Variants in BCAT1 observed in about 807,000 individuals in gnomAD.
The protein encoded by BCAT1 is branched-chain-amino-acid aminotransferase, cytosolic.
A neutral mutation model predicts 52.4 loss-of-function variants in BCAT1; 48 were observed. The observed-to-expected ratio is 0.92, with a 90% confidence interval of 0.73 to 1.16. BCAT1 has a LOEUF of 1.16. Ranked by LOEUF, BCAT1 falls within the 50% of genes most tolerant of loss-of-function variation. The pLI is 0.00. For synonymous variants in BCAT1, 167 were observed against 161.3 expected (o/e 1.04, Z -0.27); for missense variants, 451 against 457.1 (o/e 0.99, Z 0.12).
chr12:24,888,212 A>G (rs1014161176), intron 3 of BCAT1, among the ~76,000 whole-genome samples: 1 of 152,216 alleles, frequency 6.6e-6, no homozygotes, highest in Admixed American at 6.5e-5. Flanking sequence ...GGTTAAAAAA[A>G]AAAGACAGAA....
At chr12:24,884,623 A>G (rs1461243783) in intron 3 of BCAT1, among the ~76,000 whole-genome samples, 1 of 152,236 alleles carries the variant, frequency 6.6e-6, no homozygotes, top group Admixed American at 6.5e-5. Context: ...TTATTTGTCA[A>G]TTAAAAATTT....
intron 1 of BCAT1, among the ~76,000 whole-genome samples, chr12:24,905,646 T>G (rs1943212916): frequency 6.6e-6 from 1 of 152,182 alleles, no homozygotes; most frequent in African/African-American, 2.4e-5. Flanking sequence ...GAAGTGCTAT[T>G]AGTCAGCAAC....
chr12:24,930,348 A>T (rs934260296), intron 1 of BCAT1, among the ~76,000 whole-genome samples: 1 of 152,096 alleles, frequency 6.6e-6, no homozygotes, highest in African/African-American at 2.4e-5. Flanking sequence ...TGTCCTTTTG[A>T]GGTGTTTCTA....
intron 10 of BCAT1, among the ~76,000 whole-genome samples, chr12:24,825,148 T>C (rs1044162640): frequency 7.2e-5 from 11 of 152,024 alleles, no homozygotes; most frequent in African/African-American, 2.6e-4. Context: ...TATATATATA[T>C]ATATATATCT....
intron 5 of BCAT1, among the ~76,000 whole-genome samples, chr12:24,853,204 CCAT>C (rs1233298120): frequency 5.3e-5 from 8 of 152,260 alleles, no homozygotes; most frequent in Admixed American, 1.3e-4. Flanking sequence ...ACCCAGGTGA[CCAT>C]CAATGGTGGA....
At chr12:24,946,040 T>C (rs1943929116) in intron 1 of BCAT1, among the ~76,000 whole-genome samples, 1 of 152,112 alleles carries the variant, frequency 6.6e-6, no homozygotes, top group South Asian at 2.1e-4. Context: ...ATAAAGAAAG[T>C]TCTTTATTTT....
chr12:24,944,447 G>A (rs1943904735), intron 1 of BCAT1, among the ~76,000 whole-genome samples: 1 of 152,152 alleles, frequency 6.6e-6, no homozygotes, highest in Admixed American at 6.5e-5. Flanking sequence ...CGTCTCAACT[G>A]TGTCTCTTTG....
chr12:24,873,854 T>C (rs928985425), intron 5 of BCAT1, among the ~76,000 whole-genome samples: 1 of 152,218 alleles, frequency 6.6e-6, no homozygotes, highest in Non-Finnish European at 1.5e-5. Context: ...TGCCAATCCC[T>C]ACTCACTGGT....
intron 3 of BCAT1, among the ~76,000 whole-genome samples, chr12:24,887,071 A>AAAAAAAAAT (rs1942689541): frequency 1.0e-5 from 1 of 99,406 alleles, no homozygotes; most frequent in African/African-American, 4.0e-5. Flanking sequence ...TAAAAAAAAA[A>AAAAAAAAAT]AAAAAAAAAA....
chr12:24,852,218 A>G (rs946281756), intron 5 of BCAT1, among the ~76,000 whole-genome samples: 2 of 152,192 alleles, frequency 1.3e-5, no homozygotes, highest in African/African-American at 4.8e-5. Context: ...ACTGTGAGTC[A>G]ATTAAACCTC....
At chr12:24,909,984 C>T (rs951340068) in intron 1 of BCAT1, among the ~76,000 whole-genome samples, 3 of 152,156 alleles carry the variant, frequency 2.0e-5, no homozygotes, top group African/African-American at 2.4e-5. Flanking sequence ...ATGATGCCGG[C>T]CCCTCATGAC....
chr12:24,847,557 G>A (rs1005077446), intron 6 of BCAT1, among the ~76,000 whole-genome samples: 1 of 152,162 alleles, frequency 6.6e-6, no homozygotes, highest in African/African-American at 2.4e-5. Context: ...AAAAAACTAA[G>A]AGAGATAATT....
chr12:24,924,079 A>G lies in BCAT1; in HGVS notation c.7-22194T>C, dbSNP rs561448261. Among the ~76,000 whole-genome samples, 3 of 150,566 alleles carry G rather than the reference A, an allele frequency of 2.0e-5. No individual in the cohort carries two copies. In the South Asian group the frequency reaches 6.3e-4, roughly 32 times the overall value. The stretch of plus-strand genomic sequence containing the variant: ...TCAACCGATTATGTCGATAATATAC[A>G]TTCTCGTTTCCTCCCTTTTTTTCCC... On this transcript the variant is annotated intron_variant, in intron 1 of 10. Transcript: ENST00000261192.
In BCAT1 at chr12:24,823,814, C is replaced by T. The variant is rs576319240; in HGVS notation, c.1120-5765G>A. Among the ~76,000 whole-genome samples the T allele has an allele frequency of 4.6e-5, 7 of 152,238 alleles. No individual in the cohort carries two copies. The East Asian group carries it at 9.7e-4, about 21-fold the overall frequency. ...CTCCTGTATGGCCTGCAGAACTGAG[C>T]GTCAATAAAACCTCTTTTCTTTACA... On this transcript the variant is annotated intron_variant, in intron 10 of 10. Transcript: ENST00000261192.
chr12:24,901,810 T>A lies in BCAT1; in HGVS notation c.78+4A>T. 6.2e-7 allele frequency: 1 copy of A among 1,613,792 alleles called. No individual in the cohort carries two copies. ...AGACACTAAGCCTCTGGCAAGCAAC[T>A]TACCTTAAAAGTCCCCACCACCTCT... On this transcript the variant is annotated splice_donor_region_variant and intron_variant, in intron 2 of 10. Coordinates refer to ENST00000261192, the MANE Select transcript of BCAT1 (RefSeq NM_005504.7).
intron 1 of BCAT1, among the ~76,000 whole-genome samples, chr12:24,931,766 T>G (rs567276258): frequency 6.6e-6 from 1 of 152,288 alleles, no homozygotes; most frequent in African/African-American, 2.4e-5. Context: ...GCACTCTTTA[T>G]CTAAAAACAA....
At chr12:24,873,887 C>T (rs1591827787) in intron 5 of BCAT1, among the ~76,000 whole-genome samples, 1 of 152,138 alleles carries the variant, frequency 6.6e-6, no homozygotes, top group African/African-American at 2.4e-5. Context: ...GTTAATTAAA[C>T]ATGTTTCAAT....
intron 10 of BCAT1, among the ~76,000 whole-genome samples, chr12:24,820,358 T>C (rs1378650505): frequency 6.6e-6 from 1 of 152,226 alleles, no homozygotes; most frequent in Non-Finnish European, 1.5e-5. Flanking sequence ...ATTTGGCTGA[T>C]GGATAATGCA....
At chr12:24,902,752 G>A (rs1455002473) in intron 1 of BCAT1, 8 of 793,456 alleles carry the variant, frequency 1.0e-5, no homozygotes, top group Non-Finnish European at 1.5e-5. Context: ...CGAAGAGGTG[G>A]AGATTGCAGG....
Sources: gnomAD v4.1 joint callset for allele counts (sites outside exome capture counted in the v4.1 genomes callset) on GRCh38, gnomAD v4.1.1 for gene constraint, MANE v1.5 for transcripts, NCBI Gene and HGNC (gene_info 2026-07-23, HGNC 2026-07-21) for gene names.